ZNF609: variants seen among roughly 807,000 people sequenced by gnomAD.
ZNF609 encodes zinc finger protein 609.
ZNF609 carries 11 observed loss-of-function variants against 109.5 expected under a neutral mutation model. The observed-to-expected ratio is 0.10, with a 90% CI of 0.06 to 0.17. The LOEUF (loss-of-function observed/expected upper bound fraction) is 0.17. Ranked by LOEUF, ZNF609 falls within the 10% of genes least tolerant of loss-of-function variation. ZNF609 has a pLI of 1.00. For synonymous variants in ZNF609, 646 were observed against 662.0 expected (o/e 0.98, Z 0.37); for missense variants, 1,559 against 1,772.4 (o/e 0.88, Z 2.16).
At chr15:64,525,487 G>GT (rs1465791927) in intron 2 of ZNF609, among the ~76,000 whole-genome samples, 1 of 152,142 alleles carries the variant, frequency 6.6e-6, no homozygotes, top group Non-Finnish European at 1.5e-5. Context: ...CATCTTTGTA[G>GT]TAAGTGTTGA....
intron 2 of ZNF609, among the ~76,000 whole-genome samples, chr15:64,608,976 T>C (rs1595737600): frequency 6.6e-6 from 1 of 152,042 alleles, no homozygotes; most frequent in East Asian, 1.9e-4. Context: ...GGCTAAAGCA[T>C]TCTACCCACC....
intron 3 of ZNF609, among the ~76,000 whole-genome samples, chr15:64,628,682 A>G (rs1420886330): frequency 6.6e-6 from 1 of 151,922 alleles, no homozygotes; most frequent in Non-Finnish European, 1.5e-5. Flanking sequence ...CTGGAGTGCA[A>G]TGGCGTGATC....
intron 2 of ZNF609, among the ~76,000 whole-genome samples, chr15:64,583,254 A>G (rs1895142254): frequency 6.6e-6 from 1 of 150,934 alleles, no homozygotes; most frequent in South Asian, 2.2e-4. Flanking sequence ...GAGGCAGGAG[A>G]ATGGCGTGAA....
At chr15:64,595,010 A>AAAAAAAG (rs1366233975) in intron 2 of ZNF609, among the ~76,000 whole-genome samples, 13 of 149,624 alleles carry the variant, frequency 8.7e-5, no homozygotes, top group African/African-American at 2.5e-4. Context: ...TCAAAAAAAA[A>AAAAAAAG]AAAAAAGAAA....
chr15:64,541,375 C>G (rs1225801612), intron 2 of ZNF609, among the ~76,000 whole-genome samples: 1 of 144,112 alleles, frequency 6.9e-6, no homozygotes, highest in Non-Finnish European at 1.5e-5. Flanking sequence ...CGCAGTGAGC[C>G]GAGATCGCGC....
In ZNF609 at chr15:64,676,588, G is replaced by C. The variant is rs911781164; in HGVS notation, c.3402+332G>C. Among the ~76,000 whole-genome samples, 21 of 139,002 alleles carry C rather than the reference G, an allele frequency of 1.5e-4. No individual in the cohort carries two copies. The East Asian group carries it at 4.0e-3, about 27-fold the overall frequency. The allele number at this position is 139,002 out of a possible 152,430, so 91.2% of individuals were successfully genotyped here. On this transcript the variant is annotated intron_variant, in intron 5 of 9. Coordinates refer to ENST00000326648, the MANE Select transcript of ZNF609 (RefSeq NM_015042.2). ...TGAGATTACAGGCACACGCCACCAT[G>C]CCCAGCTAATTTTTTTTGTATTTTT... is the stretch of plus-strand genomic sequence containing the variant.
chr15:64,607,581 T>C (rs1319417701), intron 2 of ZNF609, among the ~76,000 whole-genome samples: 2 of 150,492 alleles, frequency 1.3e-5, no homozygotes, highest in Non-Finnish European at 3.0e-5. Flanking sequence ...CTTGGCTCAC[T>C]GCAACCTCCG....
At chr15:64,607,113 C>A (rs750922806) in intron 2 of ZNF609, among the ~76,000 whole-genome samples, 6 of 151,912 alleles carry the variant, frequency 3.9e-5, no homozygotes, top group Non-Finnish European at 8.8e-5. Flanking sequence ...CACTGCACTT[C>A]AGCCTGGGCA....
intron 2 of ZNF609, among the ~76,000 whole-genome samples, chr15:64,607,473 T>C (rs934375951): frequency 1.3e-5 from 2 of 152,026 alleles, no homozygotes; most frequent in Admixed American, 1.3e-4. Flanking sequence ...ACAGGTTTTT[T>C]AATGTTATTT....
At chr15:64,634,168 A>G (rs919508922) in intron 3 of ZNF609, among the ~76,000 whole-genome samples, 13 of 152,094 alleles carry the variant, frequency 8.5e-5, no homozygotes, top group Non-Finnish European at 1.6e-4. Context: ...AGTAGCTGAC[A>G]TCTAAACAGA....
intron 3 of ZNF609, among the ~76,000 whole-genome samples, chr15:64,667,940 T>C (rs1221808144): frequency 1.3e-5 from 2 of 152,166 alleles, no homozygotes; most frequent in African/African-American, 4.8e-5. Flanking sequence ...AAGTTAATTG[T>C]TGAGTGGAGG....
chr15:64,662,181 T>C (rs1038395813), intron 3 of ZNF609, among the ~76,000 whole-genome samples: 1 of 152,074 alleles, frequency 6.6e-6, no homozygotes, highest in Admixed American at 6.6e-5. Flanking sequence ...TTAAGTGTTC[T>C]CACAAAATGG....
chr15:64,641,706 A>T (rs774766281), intron 3 of ZNF609, among the ~76,000 whole-genome samples: 1 of 152,084 alleles, frequency 6.6e-6, no homozygotes, highest in African/African-American at 2.4e-5. Flanking sequence ...CAGTCCCCAG[A>T]TCTCACCCAA....
intron 2 of ZNF609, among the ~76,000 whole-genome samples, chr15:64,514,660 C>T (rs943157869): frequency 1.3e-4 from 20 of 149,162 alleles, no homozygotes; most frequent in Non-Finnish European, 2.5e-4. Context: ...TTTTTTGAGA[C>T]GGAGTCTCAC....
chr15:64,676,826 T>C (rs1896816838), intron 5 of ZNF609, among the ~76,000 whole-genome samples: 1 of 151,736 alleles, frequency 6.6e-6, no homozygotes, highest in Non-Finnish European at 1.5e-5. Flanking sequence ...CAATCTCAGC[T>C]CACTGCAACC....
chr15:64,496,070 CT>C (rs575500789), intron 1 of ZNF609, among the ~76,000 whole-genome samples: 138 of 152,258 alleles, frequency 9.1e-4, no homozygotes, highest in Non-Finnish European at 8.2e-4. Flanking sequence ...CCTCCTGCCT[CT>C]GCCTCCCAAA....
chr15:64,576,949 CATATATGTATATATACACATAAATAT>C (rs1567018984), intron 2 of ZNF609, among the ~76,000 whole-genome samples: 41 of 52,214 alleles, frequency 7.9e-4, no homozygotes, highest in African/African-American at 2.1e-3. Context: ...TAAATATATA[CATATATGTATATATACACATAAATAT>C]ATATATGTAT....
intron 2 of ZNF609, among the ~76,000 whole-genome samples, chr15:64,546,885 G>C (rs1196851261): frequency 6.6e-6 from 1 of 150,426 alleles, no homozygotes; most frequent in Non-Finnish European, 1.5e-5. Context: ...CTGCCTCCCA[G>C]GTTCACATCA....
At chr15:64,503,795 A>G (rs1193750122) in intron 2 of ZNF609, among the ~76,000 whole-genome samples, 2 of 152,318 alleles carry the variant, frequency 1.3e-5, no homozygotes, top group East Asian at 1.9e-4. Context: ...AGAATGCTGC[A>G]TATATTTACC....
Sources: allele counts gnomAD v4.1 joint callset (sites outside exome capture counted in the v4.1 genomes callset), GRCh38; gene constraint gnomAD v4.1.1; transcripts MANE v1.5; gene names NCBI Gene and HGNC (gene_info 2026-07-23, HGNC 2026-07-21).